The following HERC3 variants were observed in gnomAD, a reference collection of about 807,000 sequenced individuals.
HERC3 encodes the protein HECT and RLD domain containing E3 ubiquitin protein ligase 3, also known as probable E3 ubiquitin-protein ligase HERC3.
Under a neutral mutation model 129.9 loss-of-function variants are expected in HERC3, and 58 were observed. The observed-to-expected ratio is 0.45, with a 90% CI of 0.36 to 0.56. The LOEUF is 0.56. HERC3 is among the 20% of genes least tolerant of loss of function. HERC3 has a pLI of 0.00. For missense variants in HERC3, 835 were observed against 1,244.2 expected, an observed-to-expected ratio of 0.67 and a Z score of 4.95; for synonymous variants, 430 against 451.0, an observed-to-expected ratio of 0.95 and a Z score of 0.59.
chr4:88,593,191 G>GCTCGCCTCTCCCGGGTCCGC (rs1721933590), intron 1 of HERC3: 1 of 152,180 alleles, frequency 6.6e-6, no homozygotes, highest in Non-Finnish European at 1.5e-5. Flanking sequence ...GGCCGGGCCG[G>GCTCGCCTCTCCCGGGTCCGC]CTCGCCTCTC....
chr4:88,534,725 G>T, the HERC3 span, among the ~76,000 whole-genome samples: 1 of 152,180 alleles, frequency 6.6e-6, no homozygotes, highest in African/African-American at 2.4e-5. Context: ...TTTGAAATGT[G>T]TGATTCTATA....
rs1470565145 is a variant in HERC3 at position 88,656,006 on chromosome 4, C to A, written c.1040C>A (p.Ala347Asp). The change falls in exon 9 of 26, where the codon GCC becomes GAC. Residue 347 changes from alanine (A) to aspartate (D), a missense_variant. By Grantham distance (126) the Ala-to-Asp change is moderately radical. Coordinates refer to ENST00000402738, the MANE Select transcript of HERC3 (RefSeq NM_014606.3). The stretch of plus-strand genomic sequence containing the variant: ...TCTCCTGTCAAGGGTTACTGGGCTG[C>A]CCACAGTGGCCAGCTTTCAGCCCGA... ...CPSPVKGYWA[A>D]HSGQLSARAD... is the part of the protein sequence containing the mutation. 1 of 1,614,024 alleles carries A rather than the reference C, an allele frequency of 6.2e-7. No individual in the cohort carries two copies. Among genetic ancestry groups the A allele is most frequent in the South Asian group, 1.1e-5 (1 of 91,072 alleles).
At chr4:88,643,976 T>G (rs971619341) in intron 3 of HERC3, among the ~76,000 whole-genome samples, 6 of 152,152 alleles carry the variant, frequency 3.9e-5, no homozygotes, top group Non-Finnish European at 8.8e-5. Context: ...TGGCAAGAAC[T>G]TCGAACAGAC....
chr4:88,615,428 C>T (rs1724799739), intron 3 of HERC3, among the ~76,000 whole-genome samples: 1 of 152,122 alleles, frequency 6.6e-6, no homozygotes, highest in South Asian at 2.1e-4. Context: ...GATGTATGGT[C>T]TCATATCCTT....
At chr4:88,542,808 A>G in the HERC3 span, among the ~76,000 whole-genome samples, 2 of 152,244 alleles carry the variant, frequency 1.3e-5, no homozygotes, top group South Asian at 2.1e-4. Flanking sequence ...AACGTAATCC[A>G]GCACATAAAC....
the HERC3 span, among the ~76,000 whole-genome samples, chr4:88,528,863 A>G: frequency 7.9e-5 from 12 of 152,326 alleles, no homozygotes; most frequent in Admixed American, 7.2e-4. Context: ...TTAATTTACT[A>G]TTTTGCTCTT....
At chr4:88,628,765 A>G (rs1726417727) in intron 3 of HERC3, among the ~76,000 whole-genome samples, 1 of 152,208 alleles carries the variant, frequency 6.6e-6, no homozygotes, top group African/African-American at 2.4e-5. Flanking sequence ...AAATAGTATA[A>G]AACAATCTGC....
upstream of HERC3, among the ~76,000 whole-genome samples, chr4:88,588,170 G>A (rs1243097524): frequency 6.6e-6 from 1 of 152,172 alleles, no homozygotes; most frequent in Admixed American, 6.5e-5. Context: ...AACAAACCAT[G>A]AATAGTTTCA....
the HERC3 span, among the ~76,000 whole-genome samples, chr4:88,555,735 G>A: frequency 6.6e-6 from 1 of 152,210 alleles, no homozygotes; most frequent in Non-Finnish European, 1.5e-5. Flanking sequence ...AATGGTTGCT[G>A]AAGTGAGGAT....
Position 88,708,258 on chromosome 4 carries a change from A to T in HERC3, c.*1298A>T, listed in dbSNP as rs1038909503. 1 of 152,624 alleles carries T rather than the reference A, an allele frequency of 6.6e-6. No individual in the cohort carries two copies. The highest frequency in any genetic ancestry group is 1.5e-5 in the Non-Finnish European group (1 of 68,042). The allele number at this position is 152,624 out of a possible 1,614,324, so 9.5% of individuals were successfully genotyped here. ...AAAATTCTACATGATTAAAGAATCC[A>T]TGTAAGTCTAATTTTAAATTCCTAG... On this transcript the variant is annotated 3_prime_UTR_variant, in exon 26 of 26. Transcript: ENST00000402738.
At chr4:88,598,627 C>T (rs1246113307) in intron 2 of HERC3, among the ~76,000 whole-genome samples, 1 of 152,210 alleles carries the variant, frequency 6.6e-6, no homozygotes, top group Non-Finnish European at 1.5e-5. Flanking sequence ...ATGCCAGGCA[C>T]CATGCTAAGC....
At chr4:88,524,590 G>A in the HERC3 span, among the ~76,000 whole-genome samples, 1 of 152,208 alleles carries the variant, frequency 6.6e-6, no homozygotes, top group Non-Finnish European at 1.5e-5. Flanking sequence ...GTAGCTGGAT[G>A]ACTTTGGCAA....
Position 88,670,127 on chromosome 4 carries a change from G to A in HERC3, c.1798-12G>A. ...GCCATGTTTCAGTTGTCTGTATTTTGTTCTTCATTAGGTAAATCTTAAAGT... is the reference window on the plus strand; with the variant it reads ...GCCATGTTTCAGTTGTCTGTATTTTATTCTTCATTAGGTAAATCTTAAAGT... On this transcript the variant is annotated splice_polypyrimidine_tract_variant and intron_variant, in intron 15 of 25. Transcript: ENST00000402738. The A allele has an allele frequency of 6.2e-7, 1 of 1,606,220 alleles. No homozygotes were observed. The highest frequency in any genetic ancestry group is 1.7e-4 in the Middle Eastern group (1 of 6,046).
the HERC3 span, among the ~76,000 whole-genome samples, chr4:88,538,444 G>A: frequency 6.6e-6 from 1 of 152,034 alleles, no homozygotes; most frequent in East Asian, 1.9e-4. Flanking sequence ...GTGTTGGCAG[G>A]TTTGGTTTCT....
chr4:88,604,358 T>C (rs1393167992), intron 2 of HERC3, among the ~76,000 whole-genome samples: 1 of 152,220 alleles, frequency 6.6e-6, no homozygotes, highest in Non-Finnish European at 1.5e-5. Flanking sequence ...TAGGGGTTTT[T>C]AGTATATTTA....
chr4:88,526,683 A>G, the HERC3 span, among the ~76,000 whole-genome samples: 2 of 152,030 alleles, frequency 1.3e-5, no homozygotes, highest in Non-Finnish European at 2.9e-5. Flanking sequence ...ATACAGGTGC[A>G]TGCCACCACA....
intron 11 of HERC3, among the ~76,000 whole-genome samples, chr4:88,662,813 G>T (rs1197224978): frequency 1.3e-5 from 2 of 152,036 alleles, no homozygotes; most frequent in African/African-American, 4.8e-5. Flanking sequence ...TAAAAATCCT[G>T]ACTGATGAAG....
chr4:88,527,973 C>T, the HERC3 span: 4 of 277,008 alleles, frequency 1.4e-5, no homozygotes, highest in Middle Eastern at 5.2e-4. Context: ...ATTGGTCCAG[C>T]GGATAGCAAG....
At chr4:88,661,045 G>C (rs891837699) in intron 10 of HERC3, among the ~76,000 whole-genome samples, 12 of 152,174 alleles carry the variant, frequency 7.9e-5, no homozygotes, top group African/African-American at 2.9e-4. Context: ...TTCACCCAAG[G>C]CATCTCTGGT....
Sources: allele counts gnomAD v4.1 joint callset (sites outside exome capture counted in the v4.1 genomes callset), GRCh38; gene constraint gnomAD v4.1.1; transcripts MANE v1.5; gene names NCBI Gene and HGNC (gene_info 2026-07-23, HGNC 2026-07-21).